The following CD247 variants were observed in gnomAD, a reference collection of about 807,000 sequenced individuals.
CD247 encodes CD247 molecule.
In CD247, 13 loss-of-function variants were observed where a neutral mutation model predicts 30.0. The ratio of observed to expected loss-of-function variants is 0.43; its 90% CI spans 0.28 to 0.69. The LOEUF is 0.69. CD247 is among the 30% of genes least tolerant of loss of function. The pLI is 0.16. For missense variants in CD247, 193 were observed against 212.6 expected (o/e 0.91, Z 0.57); for synonymous variants, 72 against 80.0 (o/e 0.90, Z 0.53).
At chr1:167,470,997 G>A (rs566944953) in intron 1 of CD247, among the ~76,000 whole-genome samples, 11 of 150,258 alleles carry the variant, frequency 7.3e-5, no homozygotes, top group South Asian at 2.1e-4. Context: ...TCAGCTTCCC[G>A]AGTAGCTGGG....
intron 1 of CD247, among the ~76,000 whole-genome samples, chr1:167,488,301 AC>A (rs1304117206): frequency 6.6e-6 from 1 of 152,260 alleles, no homozygotes; most frequent in Non-Finnish European, 1.5e-5. Context: ...CTGTTAAAGC[AC>A]AGTAAGGCAG....
chr1:167,492,962 A>T, intron 1 of CD247, among the ~76,000 whole-genome samples: 1 of 143,972 alleles, frequency 6.9e-6, no homozygotes, highest in African/African-American at 2.6e-5. Flanking sequence ...TGTTGAAGTT[A>T]TTGCAGTTGC....
chr1:167,517,237 G>A (rs1166236078), intron 1 of CD247, among the ~76,000 whole-genome samples: 9 of 152,198 alleles, frequency 5.9e-5, no homozygotes, highest in East Asian at 3.9e-4. Context: ...CCCCCGAGGC[G>A]CTGGCCCGGG....
intron 4 of CD247, among the ~76,000 whole-genome samples, chr1:167,437,969 C>T (rs1293633249): frequency 6.6e-6 from 1 of 151,346 alleles, no homozygotes; most frequent in Non-Finnish European, 1.5e-5. Context: ...ATACTTTGTA[C>T]CCCATAAATA....
chr1:167,479,079 TTA>T (rs1176694094), intron 1 of CD247, among the ~76,000 whole-genome samples: 1 of 152,236 alleles, frequency 6.6e-6, no homozygotes, highest in Non-Finnish European at 1.5e-5. Flanking sequence ...GAGATCCTAG[TTA>T]CCAAAAAAGA....
At chr1:167,488,635 T>C (rs1273667580) in intron 1 of CD247, among the ~76,000 whole-genome samples, 1 of 152,196 alleles carries the variant, frequency 6.6e-6, no homozygotes, top group Admixed American at 6.5e-5. Context: ...GCAGAGTTCT[T>C]TGCTAAACCT....
intron 1 of CD247, among the ~76,000 whole-genome samples, chr1:167,515,741 G>A (rs1655576890): frequency 6.6e-6 from 1 of 152,212 alleles, no homozygotes; most frequent in South Asian, 2.1e-4. Context: ...GAGTTGGATT[G>A]CAACAGATGG....
chr1:167,489,056 A>G (rs1223451129), intron 1 of CD247, among the ~76,000 whole-genome samples: 10 of 151,952 alleles, frequency 6.6e-5, no homozygotes, highest in Non-Finnish European at 1.5e-4. Context: ...AGAAGCACGT[A>G]ATGGATTTGT....
rs1208341023 is a variant in CD247 at position 167,449,164 on chromosome 1, T to TTTTTC, written c.59-8398_59-8397insGAAAA. Among the ~76,000 whole-genome samples, 22 of 142,822 alleles carry TTTTTC rather than the reference T, an allele frequency of 1.5e-4. No individual in the cohort carries two copies. The South Asian group carries it at 4.7e-3, about 31-fold the overall frequency. 93.7% of individuals were successfully genotyped at this position (142,822 alleles called of 152,430 possible). ...TTTTTCTTTTCTTTTTTTTTTTTTT[T>TTTTTC]TTTTTTGAGACAGAGTCTCGCTTTG... On this transcript the variant is annotated intron_variant, in intron 1 of 7. Transcript: ENST00000362089.
At chr1:167,476,737 C>T (rs932838570) in intron 1 of CD247, among the ~76,000 whole-genome samples, 5 of 152,090 alleles carry the variant, frequency 3.3e-5, no homozygotes, top group African/African-American at 1.2e-4. Context: ...GGTGGCAAAG[C>T]TGCAGTGAGT....
At chr1:167,438,739 T>G in intron 3 of CD247, 89 bp from the exon 4 acceptor site, 8 of 998,220 alleles carry the variant, frequency 8.0e-6, no homozygotes, top group Non-Finnish European at 6.4e-6. Context: ...TTTCCCTCTC[T>G]GGGGTGGCTC....
At chr1:167,481,713 C>T (rs1225067729) in intron 1 of CD247, among the ~76,000 whole-genome samples, 1 of 152,184 alleles carries the variant, frequency 6.6e-6, no homozygotes, top group Non-Finnish European at 1.5e-5. Flanking sequence ...CAGATGGAGC[C>T]ACATTGCAAA....
chr1:167,497,352 G>C lies in CD247; in HGVS notation c.58+21056C>G, dbSNP rs35466205. ...AAGTTTTCCCCAATAAGTATGCTTTGACCTTGTAAGATATGATAAATATCA... is the reference window on the plus strand; with the variant it reads ...AAGTTTTCCCCAATAAGTATGCTTTCACCTTGTAAGATATGATAAATATCA... On this transcript the variant is annotated intron_variant, in intron 1 of 7. Transcript: ENST00000362089. Among the ~76,000 whole-genome samples, 801 of 152,148 alleles carry C rather than the reference G, an allele frequency of 5.3e-3. 7 individuals carry two copies. The highest frequency in any genetic ancestry group is 0.017 in the African/African-American group (726 of 41,500).
chr1:167,456,337 G>C lies in CD247; in HGVS notation c.59-15570C>G, dbSNP rs376514899. On this transcript the variant is annotated intron_variant, in intron 1 of 7. Coordinates refer to ENST00000362089, the MANE Select transcript of CD247 (RefSeq NM_198053.3). ...CCACGGTACGGAGGGAAGTGGCTGAGTTGACAGCCACTGATAGAGCTTTTT... is the reference window on the plus strand; with the variant it reads ...CCACGGTACGGAGGGAAGTGGCTGACTTGACAGCCACTGATAGAGCTTTTT... Among the ~76,000 whole-genome samples the C allele has an allele frequency of 1.8e-4, 28 of 152,332 alleles. No homozygotes were observed. In the East Asian group the frequency reaches 3.1e-3, roughly 17 times the overall value.
chr1:167,434,488 G>A (rs1393838993), intron 5 of CD247: 3 of 354,296 alleles, frequency 8.5e-6, no homozygotes, highest in East Asian at 7.4e-5. Flanking sequence ...CACAGGAGGG[G>A]CGGGGAGGCA....
In CD247 at chr1:167,431,211, G is replaced by T; in HGVS notation, c.*470C>A. The T allele has an allele frequency of 2.1e-6, 1 of 482,256 alleles. No homozygotes were observed. The allele number at this position is 482,256 out of a possible 1,614,324, so 29.9% of individuals were successfully genotyped here. A position where few individuals can be genotyped will look rare whatever the true frequency, so the allele number is the denominator to read the frequency against. ...CCTCTCACCAGGGAGGCACAACATG[G>T]CCCAGTACAGTTACCTTGAAAGGAG... On this transcript the variant is annotated 3_prime_UTR_variant, in exon 8 of 8. Coordinates refer to ENST00000362089, the MANE Select transcript of CD247 (RefSeq NM_198053.3).
intron 1 of CD247, among the ~76,000 whole-genome samples, chr1:167,503,694 G>A (rs949918611): frequency 6.6e-6 from 1 of 152,128 alleles, no homozygotes; most frequent in Non-Finnish European, 1.5e-5. Flanking sequence ...TTGTTTAGGA[G>A]CCAGGTCCTT....
intron 1 of CD247, among the ~76,000 whole-genome samples, chr1:167,506,832 T>G (rs546446734): frequency 3.9e-4 from 60 of 152,292 alleles, no homozygotes; most frequent in African/African-American, 1.4e-3. Context: ...AGATTGCATT[T>G]TTTTCAAATT....
At chr1:167,499,251 A>G (rs858541) in intron 1 of CD247, among the ~76,000 whole-genome samples, 4,236 of 152,272 alleles carry the variant, frequency 0.028, 86 homozygotes, top group Non-Finnish European at 0.037. Context: ...TCAACATTCT[A>G]CAATGCACAG....
Sources: gnomAD v4.1 joint callset for allele counts (sites outside exome capture counted in the v4.1 genomes callset) on GRCh38, gnomAD v4.1.1 for gene constraint, MANE v1.5 for transcripts, NCBI Gene and HGNC (gene_info 2026-07-23, HGNC 2026-07-21) for gene names.